Variants in NREP observed in about 807,000 individuals in gnomAD.
The protein encoded by NREP is neuronal regeneration-related protein.
In NREP, 5 loss-of-function variants were observed where a neutral mutation model predicts 8.6. That is an observed-to-expected ratio of 0.58 (90% CI 0.30 to 1.22). NREP has a LOEUF of 1.22. Among genes scored for constraint, NREP ranks in the 50% most tolerant of loss-of-function variants. NREP has a pLI of 0.07. For synonymous variants in NREP, 27 were observed against 28.0 expected, an observed-to-expected ratio of 0.96 and a Z score of 0.11; for missense variants, 86 against 82.5, an observed-to-expected ratio of 1.04 and a Z score of -0.17.
At chr5:111,838,058 G>T (rs886375857) in intron 2 of NREP, among the ~76,000 whole-genome samples, 1 of 151,912 alleles carries the variant, frequency 6.6e-6, no homozygotes, top group African/African-American at 2.4e-5. Flanking sequence ...AAATATGTGT[G>T]CCATATATAT....
At chr5:111,757,283 G>A (rs1473949188), upstream of NREP, 1 of 528,086 alleles carries the variant, frequency 1.9e-6, no homozygotes, top group African/African-American at 2.1e-5. Flanking sequence ...GGTGGAGGAA[G>A]AGGAGGGAGG....
At chr5:111,830,466 C>T (rs567706347) in intron 2 of NREP, among the ~76,000 whole-genome samples, 137 of 152,260 alleles carry the variant, frequency 9.0e-4, no homozygotes, top group African/African-American at 3.0e-3. Context: ...CAAGAGATAG[C>T]GAAAGCTGAA....
intron 2 of NREP, among the ~76,000 whole-genome samples, chr5:111,812,105 C>T (rs2112915084): frequency 6.6e-6 from 1 of 152,040 alleles, no homozygotes; most frequent in African/African-American, 2.4e-5. Context: ...CTGGGCAACA[C>T]AGTGAAATCC....
chr5:111,771,755 C>G (rs1751234921), intron 2 of NREP, among the ~76,000 whole-genome samples: 1 of 146,220 alleles, frequency 6.8e-6, no homozygotes, highest in South Asian at 2.2e-4. Flanking sequence ...AAGAGTGAAA[C>G]TCCATCTCAA....
At chr5:111,850,839 G>A (rs957641654) in intron 2 of NREP, among the ~76,000 whole-genome samples, 1 of 152,186 alleles carries the variant, frequency 6.6e-6, no homozygotes, top group Non-Finnish European at 1.5e-5. Context: ...AAGAAAGACT[G>A]TAATGCAGTA....
rs76669596 is a variant in NREP, at chr5:111,841,277, C to T, written c.136-105770G>A. The stretch of plus-strand genomic sequence containing the variant: ...ATATTTATCCATCAGCTCCTTTCCT[C>T]CACTGGTCAAGGGTTGCCCCATGAA... On this transcript the variant is annotated intron_variant, in intron 2 of 3. Coordinates refer to the NREP transcript ENST00000395634. Among the ~76,000 whole-genome samples, 214 of 152,238 alleles carry T rather than the reference C, an allele frequency of 1.4e-3. 2 individuals carry two copies. The highest frequency in any genetic ancestry group is 0.01 in the Admixed American group (155 of 15,268).
chr5:111,795,675 T>G (rs559137504), intron 2 of NREP, among the ~76,000 whole-genome samples: 3 of 152,364 alleles, frequency 2.0e-5, no homozygotes, highest in Admixed American at 6.5e-5. Flanking sequence ...CCTATTCATG[T>G]ATAATTACTT....
At chr5:111,805,652 G>C (rs1233665649) in intron 2 of NREP, among the ~76,000 whole-genome samples, 2 of 152,180 alleles carry the variant, frequency 1.3e-5, no homozygotes, top group African/African-American at 4.8e-5. Flanking sequence ...TGGGGGTAAA[G>C]TGATACAAGG....
intron 3 of NREP, chr5:111,732,330 T>C (rs139306857): frequency 2.0e-5 from 3 of 152,220 alleles, no homozygotes; most frequent in African/African-American, 7.2e-5. Flanking sequence ...TTAAAAAGTC[T>C]TACTTACTGT....
intron 2 of NREP, among the ~76,000 whole-genome samples, chr5:111,889,415 G>A (rs964574071): frequency 7.9e-5 from 12 of 152,112 alleles, no homozygotes; most frequent in Non-Finnish European, 1.5e-4. Context: ...CTTTCACCAG[G>A]CCTCACCTCC....
intron 2 of NREP, among the ~76,000 whole-genome samples, chr5:111,930,336 A>C (rs1755501864): frequency 6.6e-6 from 1 of 152,162 alleles, no homozygotes; most frequent in African/African-American, 2.4e-5. Flanking sequence ...AATGAGAATA[A>C]ATGTAGTCCC....
chr5:111,773,609 G>A (rs1332319906), intron 2 of NREP, among the ~76,000 whole-genome samples: 1 of 152,036 alleles, frequency 6.6e-6, no homozygotes, highest in Admixed American at 6.6e-5. Context: ...TTGCCCCTTG[G>A]TACATTATAA....
intron 2 of NREP, among the ~76,000 whole-genome samples, chr5:111,750,380 T>C (rs999331123): frequency 6.6e-6 from 1 of 152,166 alleles, no homozygotes; most frequent in Non-Finnish European, 1.5e-5. Context: ...CCACTTCTAG[T>C]TTCAAATTTT....
intron 2 of NREP, among the ~76,000 whole-genome samples, chr5:111,877,132 A>G (rs908162393): frequency 1.3e-5 from 2 of 152,196 alleles, no homozygotes; most frequent in Non-Finnish European, 2.9e-5. Context: ...TACCTAAGCC[A>G]AATATTCTCA....
At chr5:111,907,643 C>G (rs546415301) in intron 2 of NREP, among the ~76,000 whole-genome samples, 12 of 152,046 alleles carry the variant, frequency 7.9e-5, no homozygotes, top group Non-Finnish European at 1.6e-4. Context: ...CAAATAATCA[C>G]TATTACTCTA....
chr5:111,969,690 C>A (rs1756747505), intron 2 of NREP: 1 of 152,062 alleles, frequency 6.6e-6, no homozygotes, highest in Admixed American at 6.5e-5. Flanking sequence ...ATGAGAACTG[C>A]CATAGAGAGA....
intron 2 of NREP, among the ~76,000 whole-genome samples, chr5:111,867,480 C>G (rs565719590): frequency 9.9e-5 from 15 of 152,260 alleles, no homozygotes; most frequent in Non-Finnish European, 1.9e-4. Context: ...GGACCCCACC[C>G]TTATGGTCTT....
chr5:111,733,654 A>G (rs1748823309), intron 3 of NREP: 1 of 152,166 alleles, frequency 6.6e-6, no homozygotes, highest in Non-Finnish European at 1.5e-5. Context: ...TTCAAGCCAA[A>G]AAAAGTTCAT....
intron 2 of NREP, among the ~76,000 whole-genome samples, chr5:111,929,008 A>G (rs1388521600): frequency 6.6e-6 from 1 of 152,144 alleles, no homozygotes; most frequent in Non-Finnish European, 1.5e-5. Flanking sequence ...CATATAATAA[A>G]TGTACTTGTT....
Sources: gnomAD v4.1 joint callset for allele counts (sites outside exome capture counted in the v4.1 genomes callset) on GRCh38, gnomAD v4.1.1 for gene constraint, MANE v1.5 for transcripts, NCBI Gene and HGNC (gene_info 2026-07-23, HGNC 2026-07-21) for gene names.